The following RHEB variants were observed in gnomAD, a reference collection of about 807,000 sequenced individuals.
The protein encoded by RHEB is GTP-binding protein Rheb.
A neutral mutation model predicts 28.8 loss-of-function variants in RHEB; 2 were observed. The observed-to-expected ratio is 0.07, with a 90% confidence interval of 0.03 to 0.22. The LOEUF is 0.22. Ranked by LOEUF, RHEB falls within the 10% of genes least tolerant of loss-of-function variation. The pLI is 1.00. For synonymous variants in RHEB, 69 were observed against 77.3 expected (o/e 0.89, Z 0.56); for missense variants, 76 against 219.9 (o/e 0.35, Z 4.14).
chr7:151,488,897 T>C (rs898912087), intron 2 of RHEB, among the ~76,000 whole-genome samples: 4 of 152,198 alleles, frequency 2.6e-5, no homozygotes, highest in African/African-American at 7.2e-5. Flanking sequence ...AGAAAATGTA[T>C]GTATATATAG....
At position 151,487,201 on chromosome 7, in the gene RHEB, G is replaced by A. The variant is rs1802492483; in HGVS notation, c.125-2397C>T. Among the ~76,000 whole-genome samples, 2 of 152,212 alleles carry A rather than the reference G, an allele frequency of 1.3e-5. 1 individual carries two copies. The highest frequency in any genetic ancestry group is 4.1e-4 in the South Asian group (2 of 4,832). Reference sequence around the variant, plus strand: ...GCCTGTAGTCCTAGCTACTTGTGAGGCTGAGGAAAGATCATTTTAAGCCCA... The same window carrying A: ...GCCTGTAGTCCTAGCTACTTGTGAGACTGAGGAAAGATCATTTTAAGCCCA... On this transcript the variant is annotated intron_variant, in intron 2 of 7. Coordinates refer to ENST00000262187, the MANE Select transcript of RHEB (RefSeq NM_005614.4).
At chr7:151,518,604 A>T (rs1563103952) in intron 1 of RHEB, among the ~76,000 whole-genome samples, 1 of 151,986 alleles carries the variant, frequency 6.6e-6, no homozygotes, top group Non-Finnish European at 1.5e-5. Context: ...GTTCTGTAAC[A>T]CCCCGTCCGC....
intron 1 of RHEB, among the ~76,000 whole-genome samples, chr7:151,511,809 C>T (rs1318622225): frequency 6.6e-6 from 1 of 152,144 alleles, no homozygotes; most frequent in African/African-American, 2.4e-5. Context: ...CACCACCACG[C>T]CCAGCTAATT....
intron 6 of RHEB, among the ~76,000 whole-genome samples, chr7:151,470,997 G>A (rs1802152883): frequency 6.6e-6 from 1 of 152,382 alleles, no homozygotes; most frequent in African/African-American, 2.4e-5. Flanking sequence ...GAAAGAGCCT[G>A]AAAGCTCAAT....
chr7:151,511,902 T>C (rs3890969), intron 1 of RHEB, among the ~76,000 whole-genome samples: 149,552 of 152,282 alleles, frequency 0.98, 73,485 homozygotes, highest in East Asian at 1. Flanking sequence ...CCACTCGCCT[T>C]GGCCTCCCAA....
At chr7:151,502,245 AAAG>A (rs1243853609) in intron 1 of RHEB, 7 of 526,810 alleles carry the variant, frequency 1.3e-5, no homozygotes, top group Non-Finnish European at 2.0e-5. Context: ...AAAAAAAAAA[AAAG>A]GAGCTTGGAG....
chr7:151,471,632 C>T (rs373337498), intron 4 of RHEB, 27 bp from the exon 5 acceptor site: 12 of 1,451,534 alleles, frequency 8.3e-6, no homozygotes, highest in Non-Finnish European at 1.1e-5. Context: ...ATAAATTAGA[C>T]ATCCATTTTA....
At chr7:151,517,963 G>A (rs1165747472) in intron 1 of RHEB, 1 of 152,172 alleles carries the variant, frequency 6.6e-6, no homozygotes, top group African/African-American at 2.4e-5. Context: ...TGCAGAGGAG[G>A]AAATCAAGAG....
At chr7:151,509,857 T>C (rs1175096427) in intron 1 of RHEB, among the ~76,000 whole-genome samples, 2 of 152,214 alleles carry the variant, frequency 1.3e-5, no homozygotes, top group Non-Finnish European at 1.5e-5. Context: ...CACTCGTTGA[T>C]GTATTGTCTG....
chr7:151,479,683 A>AG (rs1376853513), intron 3 of RHEB, among the ~76,000 whole-genome samples: 4 of 27,730 alleles, frequency 1.4e-4, no homozygotes, highest in Non-Finnish European at 3.0e-4. Context: ...ACTCCGTCTC[A>AG]AAAAAAAAAA....
chr7:151,470,543 G>A (rs1802143729), intron 7 of RHEB, 28 bp downstream of exon 7: 2 of 1,512,612 alleles, frequency 1.3e-6, no homozygotes, highest in Non-Finnish European at 1.8e-6. Flanking sequence ...AGAACGCAAT[G>A]CAAAATGAGG....
In RHEB at chr7:151,468,093, C is replaced by T. The variant is rs1279252694; in HGVS notation, c.463-882G>A. Among the ~76,000 whole-genome samples, 2 of 152,038 alleles carry T rather than the reference C, an allele frequency of 1.3e-5. No homozygotes were observed. Among genetic ancestry groups the T allele is most frequent in the African/African-American group, 2.4e-5 (1 of 41,408 alleles). On this transcript the variant is annotated intron_variant, in intron 7 of 7. Coordinates refer to ENST00000262187, the MANE Select transcript of RHEB (RefSeq NM_005614.4). This position sits in a 1 kb window ranked among gnomAD's most constrained non-coding sequence, Gnocchi z 4.3. Reference sequence around the variant, plus strand: ...GTTCTCAGAAGCCCCACAGGAAGTACCCTGTTCTCCTAATCACCAAGAATC... The same window carrying T: ...GTTCTCAGAAGCCCCACAGGAAGTATCCTGTTCTCCTAATCACCAAGAATC...
chr7:151,490,336 G>A (rs1802558529), intron 2 of RHEB, among the ~76,000 whole-genome samples: 1 of 152,220 alleles, frequency 6.6e-6, no homozygotes, highest in Non-Finnish European at 1.5e-5. Context: ...GGAATATTCT[G>A]AAACCATGGA....
chr7:151,503,880 G>T (rs1434002464), intron 1 of RHEB, among the ~76,000 whole-genome samples: 1 of 151,990 alleles, frequency 6.6e-6, no homozygotes, highest in Non-Finnish European at 1.5e-5. Flanking sequence ...TATTTTGATT[G>T]GAGAAAAATT....
At chr7:151,513,472 T>A (rs1309394394) in intron 1 of RHEB, among the ~76,000 whole-genome samples, 1 of 152,214 alleles carries the variant, frequency 6.6e-6, no homozygotes, top group East Asian at 1.9e-4. Context: ...TTGCAGAGAT[T>A]GGTGGTGATA....
At chr7:151,514,232 G>C (rs145942573) in intron 1 of RHEB, among the ~76,000 whole-genome samples, 187 of 152,192 alleles carry the variant, frequency 1.2e-3, no homozygotes, top group African/African-American at 4.4e-3. Context: ...ACCACAAATA[G>C]ATCACAGATC....
intron 4 of RHEB, among the ~76,000 whole-genome samples, chr7:151,474,004 A>G (rs1802218366): frequency 6.6e-6 from 1 of 152,240 alleles, no homozygotes; most frequent in South Asian, 2.1e-4. Flanking sequence ...ACCAGAAGTC[A>G]TAATGGACAA....
At chr7:151,510,480 T>TA (rs1802962338) in intron 1 of RHEB, among the ~76,000 whole-genome samples, 1 of 152,186 alleles carries the variant, frequency 6.6e-6, no homozygotes, top group Non-Finnish European at 1.5e-5. Flanking sequence ...ACATGTGCAT[T>TA]AAGATTGTAC....
At chr7:151,497,315 A>C (rs192765425) in intron 1 of RHEB, among the ~76,000 whole-genome samples, 1 of 152,278 alleles carries the variant, frequency 6.6e-6, no homozygotes, top group East Asian at 1.9e-4. Context: ...AACCTGTAAC[A>C]AATGTAATTT....
Sources: gnomAD v4.1 joint callset for allele counts (sites outside exome capture counted in the v4.1 genomes callset) on GRCh38, gnomAD v4.1.1 for gene constraint, Gnocchi (gnomAD v3.1) non-coding constraint, MANE v1.5 for transcripts, NCBI Gene and HGNC (gene_info 2026-07-23, HGNC 2026-07-21) for gene names.